DOCK1: variants seen among roughly 807,000 people sequenced by gnomAD.
DOCK1 encodes the protein dedicator of cytokinesis protein 1.
In DOCK1, 138 loss-of-function variants were observed where a neutral mutation model predicts 262.7. The observed-to-expected ratio is 0.53, with a 90% confidence interval of 0.46 to 0.61. The LOEUF (loss-of-function observed/expected upper bound fraction) is 0.61. Among genes scored for constraint, DOCK1 ranks in the 20% least tolerant of loss-of-function variants. DOCK1 has a pLI of 0.00. For synonymous variants in DOCK1, 866 were observed against 867.4 expected, an observed-to-expected ratio of 1.00 and a Z score of 0.03; for missense variants, 1,908 against 2,370.7, an observed-to-expected ratio of 0.80 and a Z score of 4.05.
intron 27 of DOCK1, among the ~76,000 whole-genome samples, chr10:127,214,723 A>G (rs1197352005): frequency 6.6e-6 from 1 of 152,168 alleles, no homozygotes; most frequent in East Asian, 1.9e-4. Flanking sequence ...CCAGGCCAAC[A>G]GGTCCTTAAG....
intron 27 of DOCK1, chr10:127,195,953 C>CGGGCGCGG (rs1201135199): frequency 3.3e-5 from 5 of 152,396 alleles, no homozygotes; most frequent in African/African-American, 4.8e-5. Context: ...CCAAGTACGA[C>CGGGCGCGG]GGGCGCGGGG....
At chr10:127,059,546 C>A (rs12411416) in intron 22 of DOCK1, among the ~76,000 whole-genome samples, 28,810 of 152,066 alleles carry the variant, frequency 0.19, 2,970 homozygotes, top group East Asian at 0.27. Context: ...TTTACTAATT[C>A]TGCCTCTTGC....
At chr10:127,206,902 T>C (rs2134287636) in intron 27 of DOCK1, among the ~76,000 whole-genome samples, 1 of 152,338 alleles carries the variant, frequency 6.6e-6, no homozygotes, top group East Asian at 1.9e-4. Context: ...AAGGTCTTTT[T>C]CAATTTAAAT....
chr10:127,427,371 T>A (rs1257587655), intron 47 of DOCK1, among the ~76,000 whole-genome samples: 2 of 152,186 alleles, frequency 1.3e-5, no homozygotes, highest in African/African-American at 4.8e-5. Flanking sequence ...TCCCTGAAGT[T>A]CTCAGCTATT....
rs1340023408 is a variant in DOCK1 at position 127,042,030 on chromosome 10, C to T, written c.2011-595C>T. ...CCTAATTACATGTATGATGCTTTGT[C>T]CTTCTTTGCAGTAGTATTTATTTGG... is the stretch of plus-strand genomic sequence containing the variant. On this transcript the variant is annotated intron_variant, in intron 19 of 51. Transcript: ENST00000623213. Among the ~76,000 whole-genome samples the T allele has an allele frequency of 5.9e-5, 9 of 152,286 alleles. No individual in the cohort carries two copies. In the East Asian group the frequency reaches 1.7e-3, roughly 29 times the overall value.
chr10:127,274,786 C>G (rs994073854), intron 29 of DOCK1, among the ~76,000 whole-genome samples: 2 of 151,944 alleles, frequency 1.3e-5, no homozygotes, highest in Admixed American at 1.3e-4. Flanking sequence ...TTTTTTTTCC[C>G]ATTATGACCC....
chr10:127,415,313 C>T, intron 44 of DOCK1, 75 bp downstream of exon 44: 1 of 1,449,470 alleles, frequency 6.9e-7, no homozygotes, highest in Non-Finnish European at 9.5e-7. Flanking sequence ...TCTTCACCTG[C>T]TCATGCCCCG....
chr10:127,030,264 T>G (rs1379477968), intron 16 of DOCK1, among the ~76,000 whole-genome samples: 1 of 152,208 alleles, frequency 6.6e-6, no homozygotes, highest in Non-Finnish European at 1.5e-5. Flanking sequence ...GCTCTGGTCC[T>G]CTGTTTCTGT....
chr10:127,135,459 TAAAG>T (rs1404966318), intron 27 of DOCK1: 2 of 152,658 alleles, frequency 1.3e-5, no homozygotes, highest in Non-Finnish European at 2.9e-5. Flanking sequence ...TAAAAATTAA[TAAAG>T]AACTTAACGA....
At position 127,000,286 on chromosome 10, in the gene DOCK1, C is replaced by T. The variant is rs771775279; in HGVS notation, c.964C>T (p.Arg322Trp). Residue 322 changes from arginine (R) to tryptophan (W), a missense_variant, in exon 10 of 52, where the codon CGG (arginine) becomes TGG (tryptophan). Arg to Trp is a moderately radical substitution (Grantham distance 101, BLOSUM62 -3). This residue lies in a region of DOCK1 where 102 missense variants were observed against 154.9 expected (regional missense o/e 0.66). Transcript: ENST00000623213. ...CACCAGGAAACTGACCTCGGGGTTG[C>T]GGCGACCTTTTGGAGTGGCTGGTAA... ...NNTRKLTSGLRRPFGVAVMDV... is the reference protein window; with the variant it reads ...NNTRKLTSGLWRPFGVAVMDV... 15 of 1,613,802 alleles carry T rather than the reference C, an allele frequency of 9.3e-6. No individual in the cohort carries two copies. Among genetic ancestry groups the T allele is most frequent in the African/African-American group, 2.7e-5 (2 of 74,938 alleles).
intron 29 of DOCK1, among the ~76,000 whole-genome samples, chr10:127,289,368 G>A (rs2135351171): frequency 6.6e-6 from 1 of 152,126 alleles, no homozygotes; most frequent in South Asian, 2.1e-4. Flanking sequence ...TCTAATAATG[G>A]GCGTGTGATG....
At chr10:127,172,749 T>G (rs1225381143) in intron 27 of DOCK1, among the ~76,000 whole-genome samples, 1 of 152,158 alleles carries the variant, frequency 6.6e-6, no homozygotes, top group African/African-American at 2.4e-5. Context: ...GAACTAGGAT[T>G]GATTTTAAAG....
chr10:127,011,272 A>G (rs1268228304), intron 11 of DOCK1, among the ~76,000 whole-genome samples: 2 of 152,216 alleles, frequency 1.3e-5, no homozygotes, highest in Non-Finnish European at 2.9e-5. Context: ...CGTGCTAATG[A>G]AACCATTTTT....
chr10:127,446,578 C>T lies in DOCK1; in HGVS notation c.5414-816C>T, dbSNP rs192345649. Among the ~76,000 whole-genome samples the T allele has an allele frequency of 6.6e-6, 1 of 152,304 alleles. No individual in the cohort carries two copies. The highest frequency in any genetic ancestry group is 1.5e-5 in the Non-Finnish European group (1 of 68,024). ...CCCCATGGCAGAGCTTCCTTATAAG[C>T]TTACAGTGTGGCCTTCCTAGCATGC... On this transcript the variant is annotated intron_variant, in intron 50 of 51. Coordinates refer to ENST00000623213, the MANE Select transcript of DOCK1 (RefSeq NM_001290223.2). This position sits in a 1 kb window ranked among gnomAD's most constrained non-coding sequence, Gnocchi z 4.4.
chr10:126,970,070 T>C (rs1428390889), intron 1 of DOCK1, among the ~76,000 whole-genome samples: 2 of 152,324 alleles, frequency 1.3e-5, no homozygotes, highest in Non-Finnish European at 2.9e-5. Context: ...TTTTTACACC[T>C]GTGACTGCTG....
chr10:126,998,398 A>T (rs900606931), intron 8 of DOCK1, 149 bp downstream of exon 8: 56 of 1,083,140 alleles, frequency 5.2e-5, no homozygotes, highest in Non-Finnish European at 6.9e-5. Context: ...GAGCTGTCTT[A>T]GACAGTGTGA....
rs187785743 is a variant in DOCK1 at position 127,347,010 on chromosome 10, G to A, written c.3224+3264G>A. Among the ~76,000 whole-genome samples the A allele has an allele frequency of 1.6e-3, 247 of 152,302 alleles. 4 individuals carry two copies. The highest frequency in any genetic ancestry group is 3.2e-4 in the Non-Finnish European group (22 of 68,024). ...GACTGCCTTGACCTTCAGGCCACGC[G>A]GCACACACGTGTGGAGGGTCAGCCC... On this transcript the variant is annotated intron_variant, in intron 31 of 51. Transcript: ENST00000623213.
At chr10:126,960,745 T>TATATATATATATATATATATAC (rs1429186588) in intron 1 of DOCK1, among the ~76,000 whole-genome samples, 161 of 115,410 alleles carry the variant, frequency 1.4e-3, no homozygotes, top group African/African-American at 3.7e-3. Flanking sequence ...TATATATATA[T>TATATATATATATATATATATAC]ACACACACAC....
At chr10:127,372,057 G>A (rs77164322) in intron 33 of DOCK1, among the ~76,000 whole-genome samples, 437 of 152,272 alleles carry the variant, frequency 2.9e-3, no homozygotes, top group African/African-American at 0.01. Flanking sequence ...TGTTTATTTG[G>A]GGGAGGAGAC....
Sources: allele counts gnomAD v4.1 joint callset (sites outside exome capture counted in the v4.1 genomes callset), GRCh38; gene constraint gnomAD v4.1.1; regional missense constraint gnomAD v4.1.1; non-coding constraint Gnocchi (gnomAD v3.1); transcripts MANE v1.5; gene names NCBI Gene and HGNC (gene_info 2026-07-23, HGNC 2026-07-21).